IGSF22: variants seen among roughly 807,000 people sequenced by gnomAD.
IGSF22 encodes the protein immunoglobulin superfamily member 22.
A neutral mutation model predicts 127.0 loss-of-function variants in IGSF22; 119 were observed. The observed-to-expected ratio is 0.94, with a 90% CI of 0.81 to 1.09. The LOEUF (loss-of-function observed/expected upper bound fraction) is 1.09, where lower values mean the gene tolerates loss of function less well. IGSF22 is among the 50% of genes least tolerant of loss of function. IGSF22 has a pLI of 0.00. For synonymous variants in IGSF22, 568 were observed against 664.7 expected (o/e 0.85, Z 2.24); for missense variants, 1,518 against 1,716.6 (o/e 0.88, Z 2.04).
intron 3 of IGSF22, 46 bp from the exon 4 acceptor site, chr11:18,721,717 A>G: frequency 6.2e-7 from 1 of 1,610,692 alleles, no homozygotes; most frequent in South Asian, 1.1e-5. Context: ...CCACCAGGCT[A>G]GAGCCTCTGC....
At chr11:18,710,967 G>A (rs1237333131) in intron 15 of IGSF22, 139 bp from the exon 16 acceptor site, 1 of 739,104 alleles carries the variant, frequency 1.4e-6, no homozygotes, top group Non-Finnish European at 2.2e-6. Context: ...TTAGAGACAA[G>A]GTCTCACTCT....
intron 9 of IGSF22, among the ~76,000 whole-genome samples, chr11:18,717,246 C>T (rs1042236168): frequency 6.6e-6 from 1 of 152,200 alleles, no homozygotes; most frequent in Admixed American, 6.5e-5. Flanking sequence ...ATGTTCCAGG[C>T]ACCATCCTAG....
intron 18 of IGSF22, among the ~76,000 whole-genome samples, chr11:18,708,743 G>C (rs767426377): frequency 6.6e-6 from 1 of 152,190 alleles, no homozygotes; most frequent in Non-Finnish European, 1.5e-5. Context: ...TCACCTTTGC[G>C]AAGCTAATGA....
At chr11:18,711,184 G>A (rs1250327508) in intron 15 of IGSF22, among the ~76,000 whole-genome samples, 1 of 152,064 alleles carries the variant, frequency 6.6e-6, no homozygotes, top group African/African-American at 2.4e-5. Flanking sequence ...TCTGGGTCCT[G>A]CCTACCCATA....
chr11:18,707,484 T>G, intron 20 of IGSF22: 1 of 530,520 alleles, frequency 1.9e-6, no homozygotes, highest in Non-Finnish European at 3.3e-6. Flanking sequence ...GAGACTGGCA[T>G]GTAGTTACTG....
chr11:18,706,879 C>T lies in IGSF22; in HGVS notation c.3580+35G>A, dbSNP rs897321807. 4.8e-6 allele frequency: 7 copies of T among 1,451,378 alleles called. No homozygotes were observed. In the South Asian group the frequency reaches 8.7e-5, roughly 18 times the overall value. The allele number at this position is 1,451,378 out of a possible 1,614,324, so 89.9% of individuals were successfully genotyped here. A position where few individuals can be genotyped will look rare whatever the true frequency, so the allele number is the denominator to read the frequency against. On this transcript the variant is annotated intron_variant, in intron 21 of 22. Transcript: ENST00000513874. ...TATGTCATCCCCACCATCAGGGCAC[C>T]CAGACTTAACCCTAACTGCAAGTCC...
In IGSF22 at chr11:18,710,468, G is replaced by A; in HGVS notation, c.2573-13C>T. On this transcript the variant is annotated splice_polypyrimidine_tract_variant and intron_variant, in intron 16 of 22. Coordinates refer to ENST00000513874, the MANE Select transcript of IGSF22 (RefSeq NM_173588.4). ...GTGCACTTGGTGCCTGAAATGGGAA[G>A]ATGAGGGGTCGTGAGGCCAGAGGCA... 1.2e-6 allele frequency: 2 copies of A among 1,613,816 alleles called. No homozygotes were observed. Among genetic ancestry groups the A allele is most frequent in the Non-Finnish European group, 1.7e-6 (2 of 1,179,972 alleles).
chr11:18,709,282 C>A lies in IGSF22; in HGVS notation c.2998+105G>T. On this transcript the variant is annotated intron_variant, in intron 18 of 22. Coordinates refer to ENST00000513874, the MANE Select transcript of IGSF22 (RefSeq NM_173588.4). The surrounding 1 kb of genome is among the most constrained non-coding windows in gnomAD (Gnocchi z 4.8). ...GCACAACAACTATGGATGACTTTTT[C>A]ATGATCCTAGCATCATCCAATTTTC... The A allele has an allele frequency of 8.1e-7, 1 of 1,231,656 alleles. No individual in the cohort carries two copies. The highest frequency in any genetic ancestry group is 1.1e-6 in the Non-Finnish European group (1 of 884,818). The allele number at this position is 1,231,656 out of a possible 1,614,324, so 76.3% of individuals were successfully genotyped here. A position where few individuals can be genotyped will look rare whatever the true frequency, so the allele number is the denominator to read the frequency against.
At chr11:18,725,795 G>T (rs1188005715) in intron 1 of IGSF22, among the ~76,000 whole-genome samples, 5 of 152,196 alleles carry the variant, frequency 3.3e-5, no homozygotes, top group Non-Finnish European at 7.4e-5. Context: ...ATGTCTGAAA[G>T]AAATGACCTG....
chr11:18,715,752 C>A (rs1314732355), intron 10 of IGSF22, 36 bp from the exon 11 acceptor site: 1 of 1,578,762 alleles, frequency 6.3e-7, no homozygotes, highest in South Asian at 1.1e-5. Flanking sequence ...TGCTCCCAAA[C>A]CACGACATCT....
Position 18,719,897 on chromosome 11 carries a change from G to C in IGSF22, c.519-4C>G. ...CTTCTTGGGAGCAGGGGGTGCCCTAGGAGAAGGAGGAAGGGACTAAGCTTG... is the reference window on the plus strand; with the variant it reads ...CTTCTTGGGAGCAGGGGGTGCCCTACGAGAAGGAGGAAGGGACTAAGCTTG... On this transcript the variant is annotated splice_region_variant and splice_polypyrimidine_tract_variant and intron_variant, in intron 6 of 22. Transcript: ENST00000513874. The C allele has an allele frequency of 6.2e-7, 1 of 1,614,058 alleles. No individual in the cohort carries two copies. The highest frequency in any genetic ancestry group is 8.5e-7 in the Non-Finnish European group (1 of 1,179,992).
rs35817196 is a variant in IGSF22, at chr11:18,715,332, G to C, written c.1531+100C>G. 6.4e-6 allele frequency: 8 copies of C among 1,254,468 alleles called. No homozygotes were observed. The African/African-American group carries it at 1.2e-4, about 18-fold the overall frequency. The allele number at this position is 1,254,468 out of a possible 1,614,324, so 77.7% of individuals were successfully genotyped here. A position where few individuals can be genotyped will look rare whatever the true frequency, so the allele number is the denominator to read the frequency against. On this transcript the variant is annotated intron_variant, in intron 11 of 22. Transcript: ENST00000513874. Reference sequence around the variant, plus strand: ...GACACAAGTTGGTCATGGTCTACAGGAGGGTTGGAGTTAGTGGGAGGGGGG... The same window carrying C: ...GACACAAGTTGGTCATGGTCTACAGCAGGGTTGGAGTTAGTGGGAGGGGGG...
At position 18,724,256 on chromosome 11, in the gene IGSF22, A is replaced by C; in HGVS notation, c.-20T>G. 6.3e-7 allele frequency: 1 copy of C among 1,584,734 alleles called. No individual in the cohort carries two copies. Among genetic ancestry groups the C allele is most frequent in the Non-Finnish European group, 8.7e-7 (1 of 1,154,072 alleles). ...TGTCATGGTGACAGCAGGCGTGGGC[A>C]CTCACCTGTGAGACTGGGGAAGAGG... On this transcript the variant is annotated 5_prime_UTR_variant, in exon 2 of 23. Coordinates refer to ENST00000513874, the MANE Select transcript of IGSF22 (RefSeq NM_173588.4).
intron 18 of IGSF22, 94 bp from the exon 19 acceptor site, chr11:18,708,389 C>T: frequency 2.2e-6 from 2 of 905,982 alleles, no homozygotes; most frequent in South Asian, 3.5e-5. Flanking sequence ...AACCTCTCCT[C>T]CTTTATGCCC....
At chr11:18,719,965 A>C in intron 6 of IGSF22, 72 bp from the exon 7 acceptor site, 1 of 1,610,112 alleles carries the variant, frequency 6.2e-7, no homozygotes, top group Non-Finnish European at 8.5e-7. Context: ...TCCCTACTCC[A>C]TGGATTCTTG....
Position 18,716,837 on chromosome 11 carries a change from T to G in IGSF22, c.1137A>C (p.Glu379Asp). The change falls in exon 10 of 23, where the codon GAA becomes GAC. Residue 379 changes from glutamate to aspartate, a missense_variant. Coordinates refer to ENST00000513874, the MANE Select transcript of IGSF22 (RefSeq NM_173588.4). The surrounding 1 kb of genome is among the most constrained non-coding windows in gnomAD (Gnocchi z 4.5). ...RDDKYEITVSEDGLTHTLKIK... is the reference protein window; with the variant it reads ...RDDKYEITVSDDGLTHTLKIK... ...TCTTAAGCGTGTGCGTCAGACCATC[T>G]TCGGACACCGTGATTTCATACTTGT... The G allele has an allele frequency of 6.2e-7, 1 of 1,614,234 alleles. No individual in the cohort carries two copies. The highest frequency in any genetic ancestry group is 1.1e-5 in the South Asian group (1 of 91,082).
At chr11:18,725,223 A>G (rs997006989) in intron 1 of IGSF22, among the ~76,000 whole-genome samples, 3 of 151,780 alleles carry the variant, frequency 2.0e-5, no homozygotes, top group African/African-American at 7.3e-5. Flanking sequence ...CTCCTCTCGA[A>G]TTCAAGCCAT....
At chr11:18,704,824 G>A in intron 22 of IGSF22, 1 of 367,752 alleles carries the variant, frequency 2.7e-6, no homozygotes. Context: ...TGGCTGGTCA[G>A]TGGCAGAGCC....
At chr11:18,707,381 C>T (rs532873603) in intron 20 of IGSF22, 168 bp from the exon 21 acceptor site, 5 of 614,170 alleles carry the variant, frequency 8.1e-6, no homozygotes, top group Non-Finnish European at 1.4e-5. Context: ...ATTTACTAGC[C>T]TCGTGACCTG....
Sources: gnomAD v4.1 joint callset for allele counts (sites outside exome capture counted in the v4.1 genomes callset) on GRCh38, gnomAD v4.1.1 for gene constraint, Gnocchi (gnomAD v3.1) non-coding constraint, MANE v1.5 for transcripts, NCBI Gene and HGNC (gene_info 2026-07-23, HGNC 2026-07-21) for gene names.